Variants in SYN3 observed in about 807,000 individuals in gnomAD.
SYN3 encodes the protein synapsin-3.
Under a neutral mutation model 65.8 loss-of-function variants are expected in SYN3, and 35 were observed. That is an observed-to-expected ratio of 0.53 (90% CI 0.41 to 0.70). The LOEUF is 0.70. Among genes scored for constraint, SYN3 ranks in the 30% least tolerant of loss-of-function variants. The pLI is 0.00. For missense variants in SYN3, 680 were observed against 749.0 expected (o/e 0.91, Z 1.08); for synonymous variants, 270 against 292.9 (o/e 0.92, Z 0.80).
chr22:32,774,657 C>T (rs73395569), intron 6 of SYN3, among the ~76,000 whole-genome samples: 5,651 of 152,092 alleles, frequency 0.037, 344 homozygotes, highest in African/African-American at 0.13. Context: ...CAATGGCGCA[C>T]GATCTCAGCT....
intron 6 of SYN3, among the ~76,000 whole-genome samples, chr22:32,759,656 C>CA (rs2045398221): frequency 8.5e-6 from 1 of 117,594 alleles, no homozygotes; most frequent in Non-Finnish European, 2.0e-5. Context: ...CTCACCCACC[C>CA]CCAGCCAGCA....
rs138596193 is a variant in SYN3 at position 33,010,383 on chromosome 22, T to C, written c.-162-3559A>G. The stretch of plus-strand genomic sequence containing the variant: ...GGTATGAAGTAGGGTATGAAGTTCA[T>C]TTTCAGCCCCGTTCATTTATCCAGG... On this transcript the variant is annotated intron_variant, in intron 1 of 13. Transcript: ENST00000358763. Among the ~76,000 whole-genome samples, 60 of 152,324 alleles carry C rather than the reference T, an allele frequency of 3.9e-4. No individual in the cohort carries two copies. The East Asian group carries it at 0.01, about 25-fold the overall frequency.
At chr22:32,617,857 C>T (rs564221899) in intron 6 of SYN3, among the ~76,000 whole-genome samples, 117 of 151,954 alleles carry the variant, frequency 7.7e-4, no homozygotes, top group African/African-American at 2.6e-3. Flanking sequence ...AGCTTGTCAG[C>T]TGCGAGTCTA....
At chr22:32,535,426 T>C (rs1165806970) in intron 9 of SYN3, among the ~76,000 whole-genome samples, 3 of 152,176 alleles carry the variant, frequency 2.0e-5, no homozygotes, top group African/African-American at 7.2e-5. Context: ...TCTATAATTT[T>C]TTAAAGCTTT....
chr22:32,550,121 A>C (rs895515752), intron 7 of SYN3, among the ~76,000 whole-genome samples: 1 of 152,228 alleles, frequency 6.6e-6, no homozygotes, highest in African/African-American at 2.4e-5. Context: ...TAGTCTAACA[A>C]TATATTAAGC....
At chr22:32,554,134 G>A (rs969647790) in intron 7 of SYN3, among the ~76,000 whole-genome samples, 2 of 152,192 alleles carry the variant, frequency 1.3e-5, no homozygotes, top group African/African-American at 4.8e-5. Context: ...GTGCAGCCCA[G>A]GTTGGAGAGG....
At chr22:32,653,817 C>T (rs1239822628) in intron 6 of SYN3, among the ~76,000 whole-genome samples, 1 of 152,188 alleles carries the variant, frequency 6.6e-6, no homozygotes, top group Non-Finnish European at 1.5e-5. Context: ...ACATACAGAG[C>T]CTTTTCTCAT....
intron 7 of SYN3, among the ~76,000 whole-genome samples, chr22:32,582,803 C>T (rs1213501817): frequency 6.6e-6 from 1 of 152,206 alleles, no homozygotes; most frequent in Non-Finnish European, 1.5e-5. Flanking sequence ...GCCCATTGCC[C>T]AGATCATCTG....
At chr22:32,885,040 G>A (rs539403731) in intron 4 of SYN3, among the ~76,000 whole-genome samples, 6 of 151,932 alleles carry the variant, frequency 3.9e-5, no homozygotes, top group East Asian at 1.9e-4. Flanking sequence ...AAACACTTCC[G>A]AGAATGAAAC....
At chr22:32,545,816 C>T (rs1273607873) in intron 7 of SYN3, among the ~76,000 whole-genome samples, 2 of 152,214 alleles carry the variant, frequency 1.3e-5, no homozygotes, top group African/African-American at 4.8e-5. Context: ...CCACCTCAGC[C>T]TCCTAAAATG....
chr22:32,596,789 G>T, intron 6 of SYN3, 53 bp from the exon 7 acceptor site: 3 of 1,532,748 alleles, frequency 2.0e-6, no homozygotes, highest in Non-Finnish European at 2.7e-6. Flanking sequence ...TTGCCACCAA[G>T]GCTCTGGGTG....
chr22:32,667,801 T>TC (rs1457175055), intron 6 of SYN3, among the ~76,000 whole-genome samples: 28,070 of 142,920 alleles, frequency 0.2, 4,264 homozygotes, highest in East Asian at 0.63. Context: ...TTTCTTTCTT[T>TC]TTTTTTTTTT....
intron 6 of SYN3, among the ~76,000 whole-genome samples, chr22:32,838,813 A>C (rs2047811249): frequency 6.6e-6 from 1 of 151,828 alleles, no homozygotes; most frequent in Non-Finnish European, 1.5e-5. Context: ...TCATTCATTC[A>C]TTCAACATTT....
At chr22:32,928,627 A>G (rs1424446893) in intron 4 of SYN3, among the ~76,000 whole-genome samples, 2 of 152,118 alleles carry the variant, frequency 1.3e-5, no homozygotes, top group Non-Finnish European at 2.9e-5. Context: ...TTCTTTCTAA[A>G]TATCACTATT....
chr22:33,005,419 C>T (rs1490199954), intron 2 of SYN3, among the ~76,000 whole-genome samples: 1 of 152,232 alleles, frequency 6.6e-6, no homozygotes, highest in Non-Finnish European at 1.5e-5. Flanking sequence ...ACATTTATCA[C>T]CTCTGAGTAC....
At chr22:32,844,470 G>A (rs2048004231) in intron 6 of SYN3, among the ~76,000 whole-genome samples, 1 of 152,152 alleles carries the variant, frequency 6.6e-6, no homozygotes, top group Admixed American at 6.5e-5. Context: ...GCTTTTGTAA[G>A]CTCTTACTAG....
intron 6 of SYN3, among the ~76,000 whole-genome samples, chr22:32,815,824 A>G (rs2047075288): frequency 6.6e-6 from 1 of 152,144 alleles, no homozygotes; most frequent in African/African-American, 2.4e-5. Flanking sequence ...AGTCCGAGCA[A>G]TCTCACCAAT....
intron 3 of SYN3, among the ~76,000 whole-genome samples, chr22:32,959,689 C>A (rs113555940): frequency 0.19 from 28,946 of 151,958 alleles, 3,382 homozygotes; most frequent in Non-Finnish European, 0.26. Flanking sequence ...CGACCTACTG[C>A]GCTCAAGCAA....
At chr22:32,559,269 A>G (rs1348176192) in intron 7 of SYN3, among the ~76,000 whole-genome samples, 3 of 152,208 alleles carry the variant, frequency 2.0e-5, no homozygotes, top group Admixed American at 6.5e-5. Context: ...TACAAGCCAG[A>G]CACTGTTGTA....
Sources: gnomAD v4.1 joint callset for allele counts (sites outside exome capture counted in the v4.1 genomes callset) on GRCh38, gnomAD v4.1.1 for gene constraint, MANE v1.5 for transcripts, NCBI Gene and HGNC (gene_info 2026-07-23, HGNC 2026-07-21) for gene names.